CEP68: variants seen among roughly 807,000 people sequenced by gnomAD.
The protein encoded by CEP68 is centrosomal protein of 68 kDa.
In CEP68, 26 loss-of-function variants were observed where a neutral mutation model predicts 55.3. That is an observed-to-expected ratio of 0.47 (90% CI 0.34 to 0.65). The LOEUF (loss-of-function observed/expected upper bound fraction) is 0.65, where lower values mean the gene tolerates loss of function less well. Among genes scored for constraint, CEP68 ranks in the 30% least tolerant of loss-of-function variants. The pLI is 0.01. For missense variants in CEP68, 957 were observed against 946.7 expected (o/e 1.01, Z -0.14); for synonymous variants, 402 against 383.2 (o/e 1.05, Z -0.57).
At chr2:65,077,541 T>A (rs945640431) in intron 4 of CEP68, among the ~76,000 whole-genome samples, 19 of 152,118 alleles carry the variant, frequency 1.2e-4, no homozygotes, top group Admixed American at 3.9e-4. Flanking sequence ...GAGACTCCCA[T>A]AGCCCTGAAT....
intron 5 of CEP68, among the ~76,000 whole-genome samples, chr2:65,079,172 G>A (rs1002310351): frequency 1.3e-5 from 2 of 152,316 alleles, no homozygotes; most frequent in South Asian, 2.1e-4. Context: ...CAGGTCCCAC[G>A]GGCTTGAGAG....
intron 1 of CEP68, among the ~76,000 whole-genome samples, chr2:65,058,614 C>T (rs957062295): frequency 7.4e-6 from 1 of 135,160 alleles, no homozygotes; most frequent in East Asian, 2.5e-4. Flanking sequence ...TCAAGCAATT[C>T]TCCTACCTCA....
chr2:65,071,519 A>T lies in CEP68; in HGVS notation c.423A>T (p.Thr141=), dbSNP rs948804068. ...AGACTCTGAGCCTTCCCAGAACAACAACTATTTGCTCAGGACATGATGCTG... is the reference window on the plus strand; with the variant it reads ...AGACTCTGAGCCTTCCCAGAACAACTACTATTTGCTCAGGACATGATGCTG... ...FPQTLSLPRT[T]TICSGHDADT... Residue 141 remains threonine (T), a synonymous_variant, in exon 3 of 7, where the codon ACA becomes ACT. Transcript: ENST00000377990. 31 of 1,602,696 alleles carry T rather than the reference A, an allele frequency of 1.9e-5. No homozygotes were observed. In the Middle Eastern group the frequency reaches 5.0e-4, roughly 26 times the overall value.
At chr2:65,073,598 C>G in intron 3 of CEP68, 1 of 162,966 alleles carries the variant, frequency 6.1e-6, no homozygotes, top group Non-Finnish European at 1.3e-5. Context: ...GGAATGTTGG[C>G]TCAGCCTCTT....
intron 3 of CEP68, chr2:65,073,954 G>A (rs949241661): frequency 1.2e-5 from 3 of 240,378 alleles, no homozygotes; most frequent in Non-Finnish European, 2.4e-5. Context: ...GGACGTATCT[G>A]GCTCCAAGAT....
intron 1 of CEP68, among the ~76,000 whole-genome samples, chr2:65,066,775 CA>C (rs201666756): frequency 8.2e-5 from 9 of 109,576 alleles, no homozygotes; most frequent in Non-Finnish European, 1.6e-4. Flanking sequence ...TATACACACA[CA>C]AAAAAAAATT....
At chr2:65,061,413 G>A (rs1288052261) in intron 1 of CEP68, among the ~76,000 whole-genome samples, 1 of 152,212 alleles carries the variant, frequency 6.6e-6, no homozygotes, top group Non-Finnish European at 1.5e-5. Flanking sequence ...TTGACTCTAA[G>A]CAAAACTTCC....
At chr2:65,058,983 G>A (rs1675785108) in intron 1 of CEP68, among the ~76,000 whole-genome samples, 1 of 152,146 alleles carries the variant, frequency 6.6e-6, no homozygotes, top group Non-Finnish European at 1.5e-5. Flanking sequence ...CATTCTTAAC[G>A]GGGTCTGTTA....
At chr2:65,058,358 C>T (rs1675746982) in intron 1 of CEP68, among the ~76,000 whole-genome samples, 1 of 151,942 alleles carries the variant, frequency 6.6e-6, no homozygotes, top group Non-Finnish European at 1.5e-5. Context: ...TGCACATCAC[C>T]AGGCCCAGCT....
At chr2:65,073,038 T>C (rs753383334) in intron 3 of CEP68, 58 bp downstream of exon 3, 9 of 1,557,438 alleles carry the variant, frequency 5.8e-6, no homozygotes, top group Non-Finnish European at 8.0e-6. Context: ...CTTCCCCCAA[T>C]CCACTAACAT....
intron 1 of CEP68, among the ~76,000 whole-genome samples, chr2:65,062,054 C>T (rs1041267336): frequency 1.1e-4 from 16 of 152,340 alleles, no homozygotes; most frequent in Non-Finnish European, 2.2e-4. Context: ...ATTCCTGTGG[C>T]CTCCTGTGAA....
At position 65,071,657 on chromosome 2, in the gene CEP68, A is replaced by G. The variant is rs754674684; in HGVS notation, c.561A>G (p.Pro187=). 6.8e-6 allele frequency: 11 copies of G among 1,614,062 alleles called. No homozygotes were observed. The highest frequency in any genetic ancestry group is 9.3e-6 in the Non-Finnish European group (11 of 1,180,034). ...CACAGTGGAAGTCCGTGCTGAGCCC[A>G]GGTTCCGCAGCTCAGCCTTCCAGCT... The part of the protein sequence containing the change: ...CLSQWKSVLS[P]GSAAQPSSCS... Residue 187 remains proline (P), a synonymous_variant, in exon 3 of 7, where the codon CCA becomes CCG. Transcript: ENST00000377990.
At chr2:65,081,580 GAAAA>G (rs1202117976) in intron 5 of CEP68, among the ~76,000 whole-genome samples, 1 of 152,168 alleles carries the variant, frequency 6.6e-6, no homozygotes, top group Non-Finnish European at 1.5e-5. Flanking sequence ...AAAAAAGAAA[GAAAA>G]AAGCCTGCTG....
chr2:65,066,722 G>C (rs1231077514), intron 1 of CEP68, among the ~76,000 whole-genome samples: 1 of 53,030 alleles, frequency 1.9e-5, no homozygotes, highest in Non-Finnish European at 3.3e-5. Context: ...GTGAGACTCT[G>C]TCTCAAAAAA....
At chr2:65,064,430 GA>G (rs1676058774) in intron 1 of CEP68, among the ~76,000 whole-genome samples, 1 of 152,104 alleles carries the variant, frequency 6.6e-6, no homozygotes, top group Non-Finnish European at 1.5e-5. Flanking sequence ...GCCATTGAGA[GA>G]GTTTTTAGAA....
At position 65,072,420 on chromosome 2, in the gene CEP68, G is replaced by A. The variant is rs199831101; in HGVS notation, c.1324G>A (p.Asp442Asn). The change falls in exon 3 of 7, where the codon GAC becomes AAC. Residue 442 changes from aspartate to asparagine, a missense_variant. Physicochemically the swap from Asp to Asn is conservative, Grantham distance 23. Coordinates refer to ENST00000377990, the MANE Select transcript of CEP68 (RefSeq NM_015147.3). ...GGGCTCTCCCCAGCTAAGGACACGG[G>A]ACAGAGGGTGGCCCTCGCCCAGGCC... Reference protein sequence around the residue: ...DMGSPQLRTRDRGWPSPRPER... With the variant: ...DMGSPQLRTRNRGWPSPRPER... The A allele has an allele frequency of 6.2e-7, 1 of 1,614,056 alleles. No homozygotes were observed. The highest frequency in any genetic ancestry group is 1.3e-5 in the African/African-American group (1 of 75,046).
intron 2 of CEP68, 32 bp downstream of exon 2, chr2:65,069,833 C>A: frequency 6.4e-7 from 1 of 1,551,802 alleles, no homozygotes; most frequent in Middle Eastern, 1.7e-4. Context: ...TAGATGGACC[C>A]ATTGCTGTCC....
chr2:65,064,645 A>G (rs1036579898), intron 1 of CEP68, among the ~76,000 whole-genome samples: 29 of 151,734 alleles, frequency 1.9e-4, no homozygotes, highest in Admixed American at 5.9e-4. Flanking sequence ...GAGGCAGGAG[A>G]ATGGCGTGAA....
intron 3 of CEP68, 87 bp downstream of exon 3, chr2:65,073,067 T>G (rs1311572218): frequency 6.8e-7 from 1 of 1,460,298 alleles, no homozygotes; most frequent in Admixed American, 1.7e-5. Context: ...AACATGTTCA[T>G]GTTGACCAGG....
Sources: allele counts gnomAD v4.1 joint callset (sites outside exome capture counted in the v4.1 genomes callset), GRCh38; gene constraint gnomAD v4.1.1; transcripts MANE v1.5; gene names NCBI Gene and HGNC (gene_info 2026-07-23, HGNC 2026-07-21).